The following PNKD variants were observed in gnomAD, a reference collection of about 807,000 sequenced individuals.
PNKD encodes PNKD metallo-beta-lactamase domain containing, also known as probable thioesterase PNKD.
PNKD carries 36 observed loss-of-function variants against 45.3 expected under a neutral mutation model. The ratio of observed to expected loss-of-function variants is 0.80; its 90% CI spans 0.61 to 1.05. The LOEUF is 1.05. PNKD is among the 50% of genes least tolerant of loss of function. The probability of loss-of-function intolerance (pLI) is 0.00; values close to 1 mark genes in which losing one functional copy is unlikely to be tolerated. For synonymous variants in PNKD, 197 were observed against 210.1 expected (o/e 0.94, Z 0.54); for missense variants, 511 against 506.6 (o/e 1.01, Z -0.08).
intron 2 of PNKD, among the ~76,000 whole-genome samples, chr2:218,338,277 G>A (rs929724682): frequency 7.8e-4 from 117 of 149,868 alleles, no homozygotes; most frequent in Non-Finnish European, 1.6e-3. Context: ...CCTGGCCAAC[G>A]TGGCAAAACC....
intron 2 of PNKD, among the ~76,000 whole-genome samples, chr2:218,272,068 G>A (rs377407906): frequency 1.3e-5 from 2 of 152,314 alleles, no homozygotes; most frequent in African/African-American, 4.8e-5. Context: ...ATTTCACAGA[G>A]GAAGGAACTG....
In PNKD at chr2:218,342,028, G is replaced by C. The variant is rs777574834; in HGVS notation, c.665G>C (p.Arg222Pro). The change falls in exon 7 of 10, where the codon CGG (arginine) becomes CCG (proline). Residue 222 changes from arginine (R) to proline (P), a missense_variant. By Grantham distance (103) the Arg-to-Pro change is moderately radical. Transcript: ENST00000273077. ...GTCAGCGTGGGACGGCTTCAGATCC[G>C]GGCCCTGGCTACACCTGGCCACACA... ...DVVSVGRLQIRALATPGHTQG... is the reference protein window; with the variant it reads ...DVVSVGRLQIPALATPGHTQG... The C allele has an allele frequency of 1.9e-6, 3 of 1,613,416 alleles. No individual in the cohort carries two copies. Among genetic ancestry groups the C allele is most frequent in the South Asian group, 1.1e-5 (1 of 91,062 alleles).
At chr2:218,337,785 C>T (rs1244891791) in intron 2 of PNKD, among the ~76,000 whole-genome samples, 3 of 152,174 alleles carry the variant, frequency 2.0e-5, no homozygotes, top group African/African-American at 7.2e-5. Context: ...GTGTGTGTCT[C>T]TTGCTCCCTG....
chr2:218,304,145 C>T (rs986863505), intron 2 of PNKD, among the ~76,000 whole-genome samples: 3 of 152,234 alleles, frequency 2.0e-5, no homozygotes, highest in Admixed American at 2.0e-4. Flanking sequence ...CCTGTCCACA[C>T]AGCTCTGTCT....
intron 2 of PNKD, among the ~76,000 whole-genome samples, chr2:218,338,087 C>T (rs535047649): frequency 6.6e-5 from 10 of 151,968 alleles, no homozygotes; most frequent in African/African-American, 2.4e-4. Context: ...GCAGAGGTTG[C>T]AGTGAGCTGA....
chr2:218,277,590 C>A (rs535369697), intron 2 of PNKD: 16 of 1,613,904 alleles, frequency 9.9e-6, no homozygotes, highest in Admixed American at 1.7e-5. Context: ...CCACTCCCCA[C>A]AATACACATT....
intron 2 of PNKD, among the ~76,000 whole-genome samples, chr2:218,283,523 G>A (rs1692234791): frequency 6.6e-6 from 1 of 152,102 alleles, no homozygotes; most frequent in Admixed American, 6.5e-5. Context: ...GGCTCGACAG[G>A]GCCACCACCT....
intron 2 of PNKD, among the ~76,000 whole-genome samples, chr2:218,287,993 T>C (rs1381021017): frequency 6.6e-6 from 1 of 152,228 alleles, no homozygotes. Context: ...GAGGAAGCCA[T>C]TAGCAGGCTG....
intron 2 of PNKD, among the ~76,000 whole-genome samples, chr2:218,310,266 A>C (rs1301920267): frequency 6.6e-6 from 1 of 152,180 alleles, no homozygotes; most frequent in East Asian, 1.9e-4. Context: ...TCTGTCACCC[A>C]AGCTGGAGTG....
chr2:218,302,953 T>C (rs1693310877), intron 2 of PNKD, among the ~76,000 whole-genome samples: 1 of 152,136 alleles, frequency 6.6e-6, no homozygotes, highest in Non-Finnish European at 1.5e-5. Flanking sequence ...TGTTTGTTTG[T>C]TTGTTTTATG....
At chr2:218,323,374 G>A (rs760560623) in intron 2 of PNKD, 1 of 1,580,386 alleles carries the variant, frequency 6.3e-7, no homozygotes, top group South Asian at 1.1e-5. Context: ...TGCCGAGCGC[G>A]GCGGGGCCTC....
At chr2:218,274,059 T>C (rs994904154) in intron 2 of PNKD, 1 of 154,674 alleles carries the variant, frequency 6.5e-6, no homozygotes, top group Admixed American at 6.5e-5. Flanking sequence ...CACTAGTCTA[T>C]TGCATCCGTC....
At chr2:218,279,027 C>T in intron 2 of PNKD, 1 of 1,614,120 alleles carries the variant, frequency 6.2e-7, no homozygotes, top group Non-Finnish European at 8.5e-7. Context: ...CACAGAGGAG[C>T]ACACACTCAC....
At position 218,271,383 on chromosome 2, in the gene PNKD, A is replaced by G. The variant is rs1559495918; in HGVS notation, c.70A>G (p.Ile24Val). Residue 24 changes from isoleucine (I) to valine (V), a missense_variant and splice_region_variant, in exon 2 of 10, where the codon ATT becomes GTT. By Grantham distance (29) the Ile-to-Val change is conservative. Transcript: ENST00000273077. ...GARNARVLRG[I>V]LAGATANKAS... ...ACCTTCCTTACCTCCATCCACAGGG[A>G]TTCTCGCAGGAGCCACAGCTAACAA... 1.2e-6 allele frequency: 2 copies of G among 1,613,728 alleles called. No homozygotes were observed. The highest frequency in any genetic ancestry group is 1.7e-6 in the Non-Finnish European group (2 of 1,179,838).
In PNKD at chr2:218,345,117, G is replaced by A; in HGVS notation, c.*136G>A. ...GGGCATCATCCCCCCACACTGCTCAGGGGAGGGGAGGGATCAGGCGATGAG... is the reference window on the plus strand; with the variant it reads ...GGGCATCATCCCCCCACACTGCTCAAGGGAGGGGAGGGATCAGGCGATGAG... On this transcript the variant is annotated 3_prime_UTR_variant, in exon 10 of 10. Transcript: ENST00000273077. 1 of 682,830 alleles carries A rather than the reference G, an allele frequency of 1.5e-6. No homozygotes were observed. Among genetic ancestry groups the A allele is most frequent in the South Asian group, 1.9e-5 (1 of 53,038 alleles). 42.3% of individuals were successfully genotyped at this position (682,830 alleles called of 1,614,324 possible).
chr2:218,270,930 TAGC>T, intron 1 of PNKD: 1 of 342,966 alleles, frequency 2.9e-6, no homozygotes, highest in Non-Finnish European at 5.2e-6. Flanking sequence ...CCCGGATAAT[TAGC>T]AGTTTGACCT....
At chr2:218,282,682 G>A (rs1461986000) in intron 2 of PNKD, among the ~76,000 whole-genome samples, 1 of 152,246 alleles carries the variant, frequency 6.6e-6, no homozygotes, top group Admixed American at 6.5e-5. Flanking sequence ...AAGGCTCAAA[G>A]TGGAGAGCCG....
chr2:218,275,326 G>A, intron 2 of PNKD: 1 of 1,074,448 alleles, frequency 9.3e-7, no homozygotes, highest in Non-Finnish European at 1.3e-6. Flanking sequence ...CATAGCCAGA[G>A]AGGCCACCTG....
rs1346667250 is a variant in PNKD at position 218,345,626 on chromosome 2, C to T, written c.*645C>T. ...TCTGCCTCAGTGGCCTCCCTACAGC[C>T]TGGAAGAAGGAGGGTCCTGATTGCC... is the stretch of plus-strand genomic sequence containing the variant. On this transcript the variant is annotated 3_prime_UTR_variant, in exon 10 of 10. Transcript: ENST00000273077. 1 of 152,748 alleles carries T rather than the reference C, an allele frequency of 6.5e-6. No individual in the cohort carries two copies. Among genetic ancestry groups the T allele is most frequent in the Non-Finnish European group, 1.5e-5 (1 of 68,370 alleles). 9.5% of individuals were successfully genotyped at this position (152,748 alleles called of 1,614,324 possible).
Sources: allele counts gnomAD v4.1 joint callset (sites outside exome capture counted in the v4.1 genomes callset), GRCh38; gene constraint gnomAD v4.1.1; transcripts MANE v1.5; gene names NCBI Gene and HGNC (gene_info 2026-07-23, HGNC 2026-07-21).